The following KIAA1217 variants were observed in gnomAD, a reference collection of about 807,000 sequenced individuals.
The protein encoded by KIAA1217 is KIAA1217.
In KIAA1217, 88 loss-of-function variants were observed where a neutral mutation model predicts 163.9. The ratio of observed to expected loss-of-function variants is 0.54; its 90% CI spans 0.45 to 0.64. The LOEUF is 0.64. Among genes scored for constraint, KIAA1217 ranks in the 30% least tolerant of loss-of-function variants. The pLI is 0.00. For synonymous variants in KIAA1217, 903 were observed against 923.1 expected, an observed-to-expected ratio of 0.98 and a Z score of 0.39; for missense variants, 2,372 against 2,475.0, an observed-to-expected ratio of 0.96 and a Z score of 0.88.
chr10:24,411,743 G>A (rs931849168), intron 3 of KIAA1217, among the ~76,000 whole-genome samples: 1 of 151,852 alleles, frequency 6.6e-6, no homozygotes, highest in Non-Finnish European at 1.5e-5. Context: ...AGAAAACAAC[G>A]GAAAATTAAA....
chr10:24,528,089 G>A lies in KIAA1217; in HGVS notation c.3052G>A (p.Asp1018Asn). The change falls in exon 14 of 21, where the codon GAT (aspartate) becomes AAT (asparagine). Residue 1018 changes from aspartate to asparagine, a missense_variant. Around this residue, in one of 3 missense-constraint regions of KIAA1217, gnomAD observed 1,431 missense variants for 1,470.3 expected, o/e 0.97. Coordinates refer to ENST00000376454, the MANE Select transcript of KIAA1217 (RefSeq NM_019590.5). ...PPATGPLPRG[D>N]APVDKVELSE... ...AGCCACAGGCCCACTGCCAAGGGGA[G>A]ATGCCCCAGTGGACAAGGTGGAACT... 6.2e-7 allele frequency: 1 copy of A among 1,614,076 alleles called. No homozygotes were observed. Among genetic ancestry groups the A allele is most frequent in the Non-Finnish European group, 8.5e-7 (1 of 1,179,978 alleles).
intron 1 of KIAA1217, among the ~76,000 whole-genome samples, chr10:23,707,121 G>A (rs535288489): frequency 6.6e-6 from 1 of 152,284 alleles, no homozygotes; most frequent in African/African-American, 2.4e-5. Flanking sequence ...ATAGGTTAAA[G>A]GGGTAGGAAG....
chr10:24,291,844 G>C (rs2079120543), intron 2 of KIAA1217, among the ~76,000 whole-genome samples: 1 of 152,130 alleles, frequency 6.6e-6, no homozygotes, highest in South Asian at 2.1e-4. Context: ...AGGGAATCCT[G>C]AAAGTCTAAG....
chr10:24,501,218 C>G (rs1013952369), intron 8 of KIAA1217, among the ~76,000 whole-genome samples, 161 bp from the exon 9 acceptor site: 3 of 152,198 alleles, frequency 2.0e-5, no homozygotes, highest in African/African-American at 7.2e-5. Context: ...GATCATTGCA[C>G]ACTGCATACC....
intron 13 of KIAA1217, among the ~76,000 whole-genome samples, chr10:24,525,150 C>T (rs901960795): frequency 3.9e-5 from 6 of 152,148 alleles, no homozygotes; most frequent in African/African-American, 1.2e-4. Flanking sequence ...GTGTAAATAT[C>T]GCAACCATGG....
At chr10:23,723,098 G>A (rs7921276) in intron 1 of KIAA1217, among the ~76,000 whole-genome samples, 5,718 of 152,230 alleles carry the variant, frequency 0.038, 332 homozygotes, top group African/African-American at 0.13. Flanking sequence ...CCAGCAGAAA[G>A]TAATGAACTA....
chr10:24,263,778 T>TG (rs1360493056), intron 2 of KIAA1217, among the ~76,000 whole-genome samples: 2 of 152,214 alleles, frequency 1.3e-5, no homozygotes, highest in East Asian at 3.8e-4. Context: ...AAATAATTTT[T>TG]GTGTCCATTG....
At chr10:24,087,854 G>T (rs1031583585) in intron 2 of KIAA1217, among the ~76,000 whole-genome samples, 5 of 152,166 alleles carry the variant, frequency 3.3e-5, no homozygotes, top group Admixed American at 2.6e-4. Flanking sequence ...CTTCCTGCCT[G>T]CAGCGGTGTT....
At chr10:23,915,408 T>C (rs1220123328) in intron 1 of KIAA1217, among the ~76,000 whole-genome samples, 4 of 152,098 alleles carry the variant, frequency 2.6e-5, no homozygotes, top group African/African-American at 7.2e-5. Flanking sequence ...ATTGTTATTG[T>C]TTTAATATTG....
At chr10:24,057,488 C>A (rs1194826050) in intron 2 of KIAA1217, among the ~76,000 whole-genome samples, 2 of 152,076 alleles carry the variant, frequency 1.3e-5, no homozygotes, top group African/African-American at 4.8e-5. Context: ...TGAGCTTGAC[C>A]ATTTTAGATA....
rs555771555 is a variant in KIAA1217 at position 24,396,178 on chromosome 10, A to C, written c.553+15111A>C. 2.9e-4 allele frequency among the ~76,000 whole-genome samples: 44 copies of C among 152,156 alleles called. No individual in the cohort carries two copies. In the South Asian group the frequency reaches 8.7e-3, roughly 30 times the overall value. ...ATGGTGAAACCCTCTCTCTACTAAAAATACAAAAATTAGACAGGTGTGGTG... is the reference window on the plus strand; with the variant it reads ...ATGGTGAAACCCTCTCTCTACTAAACATACAAAAATTAGACAGGTGTGGTG... On this transcript the variant is annotated intron_variant, in intron 3 of 20. Transcript: ENST00000376454.
rs747750018 is a variant in KIAA1217 at position 24,545,104 on chromosome 10, G to A, written c.5334+1G>A. On this transcript the variant is annotated splice_donor_variant, in intron 20 of 20. Transcript: ENST00000376454. LOFTEE classifies it high-confidence loss of function. ...GCAGGATCCCCGCCAATATCGTCAG[G>A]TAGTTTTACCTTAAACCCACTTTTG... 6.2e-7 allele frequency: 1 copy of A among 1,614,106 alleles called. No individual in the cohort carries two copies. Among genetic ancestry groups the A allele is most frequent in the South Asian group, 1.1e-5 (1 of 91,076 alleles).
intron 1 of KIAA1217, among the ~76,000 whole-genome samples, chr10:24,006,491 T>C (rs1322626644): frequency 1.3e-5 from 2 of 152,182 alleles, no homozygotes; most frequent in East Asian, 3.8e-4. Flanking sequence ...ATCACTATAG[T>C]TTCCCACAGC....
intron 1 of KIAA1217, among the ~76,000 whole-genome samples, chr10:23,882,521 G>A: frequency 6.6e-6 from 1 of 151,852 alleles, no homozygotes; most frequent in East Asian, 1.9e-4. Context: ...ATTGTTTTAT[G>A]TTGTTTGAAA....
chr10:23,884,963 G>A (rs1002254796), intron 1 of KIAA1217, among the ~76,000 whole-genome samples: 4 of 151,822 alleles, frequency 2.6e-5, no homozygotes, highest in African/African-American at 9.7e-5. Context: ...ACAATTGTTC[G>A]GAGTGGGTCT....
chr10:23,763,331 C>A (rs566190954), intron 1 of KIAA1217, among the ~76,000 whole-genome samples: 2 of 152,264 alleles, frequency 1.3e-5, no homozygotes, highest in South Asian at 4.1e-4. Flanking sequence ...AAGAACAAAG[C>A]TAGAGGCATC....
At chr10:24,201,526 T>C (rs759860100) in intron 2 of KIAA1217, among the ~76,000 whole-genome samples, 48 of 152,258 alleles carry the variant, frequency 3.2e-4, no homozygotes, top group Admixed American at 3.3e-4. Flanking sequence ...CACTTCGGCT[T>C]AGGGCAGAGA....
At chr10:24,503,283 T>C (rs987850639) in intron 9 of KIAA1217, among the ~76,000 whole-genome samples, 5 of 152,238 alleles carry the variant, frequency 3.3e-5, no homozygotes, top group South Asian at 4.1e-4. Context: ...CAAAGGCTAC[T>C]CTGTCTCTTA....
At chr10:23,965,647 G>A (rs750094949) in intron 1 of KIAA1217, among the ~76,000 whole-genome samples, 3 of 152,308 alleles carry the variant, frequency 2.0e-5, no homozygotes, top group South Asian at 4.1e-4. Context: ...CAAGGATGCA[G>A]GAAGCAAAAT....
Sources: gnomAD v4.1 joint callset for allele counts (sites outside exome capture counted in the v4.1 genomes callset) on GRCh38, gnomAD v4.1.1 for gene constraint, gnomAD v4.1.1 regional missense constraint, MANE v1.5 for transcripts, NCBI Gene and HGNC (gene_info 2026-07-23, HGNC 2026-07-21) for gene names.